SRMS: variants seen among roughly 807,000 people sequenced by gnomAD.
The protein encoded by SRMS is tyrosine-protein kinase Srms.
A neutral mutation model predicts 43.5 loss-of-function variants in SRMS; 42 were observed. That is an observed-to-expected ratio of 0.97 (90% CI 0.75 to 1.25). The LOEUF (loss-of-function observed/expected upper bound fraction) is 1.25, where lower values mean the gene tolerates loss of function less well. SRMS is among the 50% of genes most tolerant of loss of function. SRMS has a pLI of 0.00. For synonymous variants in SRMS, 316 were observed against 308.2 expected (o/e 1.03, Z -0.27); for missense variants, 703 against 681.0 (o/e 1.03, Z -0.36).
chr20:63,541,523 G>A lies in SRMS; in HGVS notation c.1044C>T (p.His348=), dbSNP rs2145982710. 1 of 1,603,176 alleles carries A rather than the reference G, an allele frequency of 6.2e-7. No individual in the cohort carries two copies. Among genetic ancestry groups the A allele is most frequent in the Non-Finnish European group, 8.5e-7 (1 of 1,176,506 alleles). The change falls in exon 6 of 8, where the codon CAC becomes CAT. Residue 348 remains histidine, a synonymous_variant. Transcript: ENST00000217188. ...GCACGTTCCGGGCGGCCAAGTCCCG[G>A]TGCACAACGCGCTGCTCCTCCAGGT... ...MSYLEEQRVV[H]RDLAARNVLV...
chr20:63,543,191 G>A, intron 3 of SRMS, 123 bp downstream of exon 3: 3 of 1,217,060 alleles, frequency 2.5e-6, no homozygotes, highest in Non-Finnish European at 3.5e-6. Context: ...CCCAGGCCTG[G>A]GCAGGGCCCT....
chr20:63,546,382 G>T (rs1022645422), intron 1 of SRMS, among the ~76,000 whole-genome samples: 5 of 152,222 alleles, frequency 3.3e-5, no homozygotes, highest in Non-Finnish European at 5.9e-5. Context: ...GGTCTCCAGG[G>T]CTCAGGCCTT....
chr20:63,547,204 T>A lies in SRMS; in HGVS notation c.260A>T (p.Tyr87Phe). ...RLCALEEGGG[Y>F]IFARRLSGQP... ...GCCCGAAAGCCTGCGTGCGAAGATG[T>A]AGCCGCCCCCCTCTTCGAGGGCACA... Residue 87 changes from tyrosine (Y) to phenylalanine (F), a missense_variant, in exon 1 of 8, where the codon TAC (tyrosine) becomes TTC (phenylalanine). Transcript: ENST00000217188. 1 of 1,612,154 alleles carries A rather than the reference T, an allele frequency of 6.2e-7. No homozygotes were observed. Among genetic ancestry groups the A allele is most frequent in the Non-Finnish European group, 8.5e-7 (1 of 1,179,652 alleles).
Position 63,542,273 on chromosome 20 carries a change from C to T in SRMS, c.836G>A (p.Gly279Asp), listed in dbSNP as rs2082709042. The change falls in exon 5 of 8, where the codon GGC becomes GAC. Residue 279 changes from glycine (G) to aspartate (D), a missense_variant. Coordinates refer to ENST00000217188, the MANE Select transcript of SRMS (RefSeq NM_080823.4). ...CCGGATGAGCCGCTCGTGCCGCAGG[C>T]CCTTCAGTGTCTGGATCTCCTTGGC... is the stretch of plus-strand genomic sequence containing the variant. Reference protein sequence around the residue: ...DLAKEIQTLKGLRHERLIRLH... With the variant: ...DLAKEIQTLKDLRHERLIRLH... The T allele has an allele frequency of 2.5e-6, 4 of 1,612,436 alleles. No homozygotes were observed. The highest frequency in any genetic ancestry group is 1.3e-5 in the African/African-American group (1 of 74,948).
At position 63,539,939 on chromosome 20, in the gene SRMS, G is replaced by A. The variant is rs1455790620; in HGVS notation, c.*879C>T. Among the ~76,000 whole-genome samples the A allele has an allele frequency of 1.3e-5, 2 of 152,222 alleles. No homozygotes were observed. The highest frequency in any genetic ancestry group is 1.9e-4 in the East Asian group (1 of 5,188). Reference sequence around the variant, plus strand: ...CCTGTGCCACCTGGAACCCACCCAGGGAGATGGAATCGGCAGCTCCTGCCA... The same window carrying A: ...CCTGTGCCACCTGGAACCCACCCAGAGAGATGGAATCGGCAGCTCCTGCCA... On this transcript the variant is annotated 3_prime_UTR_variant, in exon 8 of 8. Coordinates refer to ENST00000217188, the MANE Select transcript of SRMS (RefSeq NM_080823.4).
Position 63,541,343 on chromosome 20 carries a change from T to C in SRMS, c.1133A>G (p.Asp378Gly), listed in dbSNP as rs1377433545. 1 of 1,539,966 alleles carries C rather than the reference T, an allele frequency of 6.5e-7. No individual in the cohort carries two copies. The highest frequency in any genetic ancestry group is 2.3e-5 in the East Asian group (1 of 43,848). Residue 378 changes from aspartate to glycine, a missense_variant, in exon 7 of 8, where the codon GAC becomes GGC. Transcript: ENST00000217188. ...DFGLARLLKD[D>G]IYSPSSSSKI... ...GGAGCTGCTGCTCGGGGAGTAGATG[T>C]CGTCCTGGGGGCGAGGGAAGGCCCC...
intron 1 of SRMS, among the ~76,000 whole-genome samples, chr20:63,545,985 T>C (rs533957366): frequency 6.6e-6 from 1 of 152,002 alleles, no homozygotes; most frequent in East Asian, 1.9e-4. Context: ...GTGTCTGAGG[T>C]CTCTCCCTGG....
Position 63,544,368 on chromosome 20 carries a change from C to T in SRMS, c.357-20G>A. 4 of 1,458,900 alleles carry T rather than the reference C, an allele frequency of 2.7e-6. No homozygotes were observed. Among genetic ancestry groups the T allele is most frequent in the South Asian group, 1.4e-5 (1 of 72,886 alleles). 90.4% of individuals were successfully genotyped at this position (1,458,900 alleles called of 1,614,324 possible). On this transcript the variant is annotated intron_variant, in intron 1 of 7. Transcript: ENST00000217188. ...TACCAGCTGCAAACAGCAGGTGCGGCAGTCACCTTGCAGGCCCCTCAGCCA... is the reference window on the plus strand; with the variant it reads ...TACCAGCTGCAAACAGCAGGTGCGGTAGTCACCTTGCAGGCCCCTCAGCCA...
In SRMS at chr20:63,539,945, G is replaced by T. The variant is rs310650; in HGVS notation, c.*873C>A. On this transcript the variant is annotated 3_prime_UTR_variant, in exon 8 of 8. Coordinates refer to ENST00000217188, the MANE Select transcript of SRMS (RefSeq NM_080823.4). ...CCACCTGGAACCCACCCAGGGAGAT[G>T]GAATCGGCAGCTCCTGCCAATGCCC... Among the ~76,000 whole-genome samples, 15,890 of 152,200 alleles carry T rather than the reference G, an allele frequency of 0.1. 2,142 individuals are homozygous for T. The highest frequency in any genetic ancestry group is 0.32 in the African/African-American group (13,172 of 41,468).
At chr20:63,543,857 T>C (rs1157272696) in intron 2 of SRMS, 2 of 358,196 alleles carry the variant, frequency 5.6e-6, no homozygotes, top group Non-Finnish European at 1.0e-5. Context: ...AATCAGTGAA[T>C]AAATGAGTGA....
intron 1 of SRMS, among the ~76,000 whole-genome samples, chr20:63,545,887 C>T (rs2082728292): frequency 6.6e-6 from 1 of 152,078 alleles, no homozygotes; most frequent in African/African-American, 2.4e-5. Context: ...CAGGTGTTTC[C>T]CCAAAACATC....
chr20:63,544,823 A>T (rs2082722722), intron 1 of SRMS, among the ~76,000 whole-genome samples: 1 of 152,148 alleles, frequency 6.6e-6, no homozygotes, highest in African/African-American at 2.4e-5. Flanking sequence ...GCAGTTGGTT[A>T]GTGGAGGGGG....
chr20:63,542,142 G>A (rs2082707947), intron 5 of SRMS, 21 bp downstream of exon 5: 1 of 1,596,736 alleles, frequency 6.3e-7, no homozygotes, highest in Non-Finnish European at 8.6e-7. Flanking sequence ...AGGGCCACGT[G>A]GCAGCAGGGA....
Position 63,540,562 on chromosome 20 carries a change from C to T in SRMS, c.*256G>A, listed in dbSNP as rs760517553. 1.3e-5 allele frequency among the ~76,000 whole-genome samples: 2 copies of T among 152,248 alleles called. No homozygotes were observed. The highest frequency in any genetic ancestry group is 4.1e-4 in the South Asian group (2 of 4,828). ...ACGGGGAACGTCAGCCCCAGCCCTT[C>T]GTCTGCACGAGTCACACTGCATGGG... On this transcript the variant is annotated 3_prime_UTR_variant, in exon 8 of 8. Transcript: ENST00000217188.
intron 1 of SRMS, among the ~76,000 whole-genome samples, chr20:63,546,504 G>T (rs115086435): frequency 2.0e-3 from 297 of 147,818 alleles, no homozygotes; most frequent in African/African-American, 7.3e-3. Flanking sequence ...CTCCTGGAGC[G>T]TGGGCCCCTG....
At chr20:63,541,058 C>G in intron 7 of SRMS, 59 bp from the exon 8 acceptor site, 1 of 1,595,860 alleles carries the variant, frequency 6.3e-7, no homozygotes, top group South Asian at 1.1e-5. Flanking sequence ...ATGGAGGAGG[C>G]CTCCTGTAGC....
chr20:63,545,679 T>C (rs2082727266), intron 1 of SRMS, among the ~76,000 whole-genome samples: 1 of 151,942 alleles, frequency 6.6e-6, no homozygotes, highest in South Asian at 2.1e-4. Context: ...GGAATGAAGA[T>C]GGAGACAGGA....
In SRMS at chr20:63,547,570, C is replaced by T. The variant is rs550458542; in HGVS notation, c.-107G>A. 526 of 1,108,626 alleles carry T rather than the reference C, an allele frequency of 4.7e-4. No individual in the cohort carries two copies. The highest frequency in any genetic ancestry group is 5.8e-4 in the Non-Finnish European group (477 of 818,638). The allele number at this position is 1,108,626 out of a possible 1,614,324, so 68.7% of individuals were successfully genotyped here. On this transcript the variant is annotated 5_prime_UTR_variant, in exon 1 of 8. Coordinates refer to ENST00000217188, the MANE Select transcript of SRMS (RefSeq NM_080823.4). ...GGTGTCCAGCGCTCCCTGCCCTGGCCGTGGGGTGACAGGGGACCCCGGCCC... is the reference window on the plus strand; with the variant it reads ...GGTGTCCAGCGCTCCCTGCCCTGGCTGTGGGGTGACAGGGGACCCCGGCCC...
In SRMS at chr20:63,547,507, C is replaced by A. The variant is rs201608831; in HGVS notation, c.-44G>T. 1.4e-6 allele frequency: 2 copies of A among 1,427,318 alleles called. No homozygotes were observed. The highest frequency in any genetic ancestry group is 3.0e-5 in the Admixed American group (1 of 33,176). The allele number at this position is 1,427,318 out of a possible 1,614,324, so 88.4% of individuals were successfully genotyped here. On this transcript the variant is annotated 5_prime_UTR_variant, in exon 1 of 8. Transcript: ENST00000217188. ...TGGGCCCGAGGGCCATGGGAGCCCGCGAGCCCGGAAGAGGAACTGGCAGGG... is the reference window on the plus strand; with the variant it reads ...TGGGCCCGAGGGCCATGGGAGCCCGAGAGCCCGGAAGAGGAACTGGCAGGG...
Sources: allele counts gnomAD v4.1 joint callset (sites outside exome capture counted in the v4.1 genomes callset), GRCh38; gene constraint gnomAD v4.1.1; transcripts MANE v1.5; gene names NCBI Gene and HGNC (gene_info 2026-07-23, HGNC 2026-07-21).